MED4: variants seen among roughly 807,000 people sequenced by gnomAD.
The protein encoded by MED4 is mediator complex subunit 4, also known as mediator of RNA polymerase II transcription subunit 4.
Under a neutral mutation model 35.0 loss-of-function variants are expected in MED4, and 21 were observed. The ratio of observed to expected loss-of-function variants is 0.60; its 90% CI spans 0.43 to 0.86. The LOEUF (loss-of-function observed/expected upper bound fraction) is 0.86, where lower values mean the gene tolerates loss of function less well. MED4 is among the 40% of genes least tolerant of loss of function. The probability of loss-of-function intolerance (pLI) is 0.00; values close to 1 mark genes in which losing one functional copy is unlikely to be tolerated. For missense variants in MED4, 300 were observed against 319.4 expected, an observed-to-expected ratio of 0.94 and a Z score of 0.46; for synonymous variants, 138 against 114.0, an observed-to-expected ratio of 1.21 and a Z score of -1.34.
chr13:48,083,337 T>G, intron 4 of MED4, 34 bp downstream of exon 4: 1 of 1,561,126 alleles, frequency 6.4e-7, no homozygotes, highest in Non-Finnish European at 8.8e-7. Flanking sequence ...GAACCTTAAC[T>G]TTTCAGGTCA....
intron 3 of MED4, among the ~76,000 whole-genome samples, chr13:48,083,696 C>T (rs1211093076): frequency 3.3e-5 from 5 of 152,160 alleles, no homozygotes; most frequent in East Asian, 1.9e-4. Flanking sequence ...TTTTTCTTCA[C>T]GTCTTCTACC....
chr13:48,093,300 CTT>C (rs952327238), intron 1 of MED4, among the ~76,000 whole-genome samples: 2 of 152,018 alleles, frequency 1.3e-5, no homozygotes, highest in Non-Finnish European at 2.9e-5. Flanking sequence ...TGTGTTTCAA[CTT>C]TTTAAGACTA....
Position 48,076,943 on chromosome 13 carries a change from T to G in MED4, c.*196A>C, listed in dbSNP as rs2077366975. On this transcript the variant is annotated 3_prime_UTR_variant, in exon 7 of 7. Transcript: ENST00000258648. ...ACTATTCCCCTAAATATCTACCTAG[T>G]GGCTTAAAACTAAAACTATGGTCTT... 1 of 476,584 alleles carries G rather than the reference T, an allele frequency of 2.1e-6. No homozygotes were observed. The highest frequency in any genetic ancestry group is 3.9e-5 in the Admixed American group (1 of 25,474). 29.5% of individuals were successfully genotyped at this position (476,584 alleles called of 1,614,324 possible).
chr13:48,079,946 A>C lies in MED4; in HGVS notation c.538T>G (p.Leu180Val). Reference sequence around the variant, plus strand: ...CCCAGTAACCCACTTCTCATCTCTAAATCAGTTGGGTAGGGTCTCCGGGGG... The same window carrying C: ...CCCAGTAACCCACTTCTCATCTCTACATCAGTTGGGTAGGGTCTCCGGGGG... ...GDPRRPYPTD[L>V]EMRSGLLGQM... The change falls in exon 6 of 7, where the codon TTA becomes GTA. Residue 180 changes from leucine to valine, a missense_variant. Leu to Val is a conservative substitution (Grantham distance 32, BLOSUM62 1). Transcript: ENST00000258648. 6.2e-7 allele frequency: 1 copy of C among 1,613,822 alleles called. No individual in the cohort carries two copies. Among genetic ancestry groups the C allele is most frequent in the Non-Finnish European group, 8.5e-7 (1 of 1,179,792 alleles).
rs2137832584 is a variant in MED4 at position 48,083,419 on chromosome 13, C to A, written c.373G>T (p.Val125Phe). Residue 125 changes from valine (V) to phenylalanine (F), a missense_variant, in exon 4 of 7, where the codon GTT (valine) becomes TTT (phenylalanine). Coordinates refer to ENST00000258648, the MANE Select transcript of MED4 (RefSeq NM_014166.4). ...KEAEQILATA[V>F]YQAKEKLKSI... ...TTGAGTTTCTCCTTCGCTTGGTAAA[C>A]AGCTGTTGCCTAATTTAAACAACAT... 1.2e-6 allele frequency: 2 copies of A among 1,612,792 alleles called. No individual in the cohort carries two copies. Among genetic ancestry groups the A allele is most frequent in the Middle Eastern group, 3.3e-4 (2 of 6,054 alleles).
At chr13:48,086,225 A>G in intron 3 of MED4, 57 bp downstream of exon 3, 2 of 1,514,606 alleles carry the variant, frequency 1.3e-6, no homozygotes, top group South Asian at 2.4e-5. Context: ...CAGATTTTTC[A>G]GAAACAGATT....
At chr13:48,081,839 T>A (rs1950810661) in intron 4 of MED4, 108 bp from the exon 5 acceptor site, 1 of 580,668 alleles carries the variant, frequency 1.7e-6, no homozygotes, top group Non-Finnish European at 2.7e-6. Context: ...TATCTGAAAA[T>A]AAAATAATCT....
chr13:48,077,084 T>G lies in MED4; in HGVS notation c.*55A>C. The G allele has an allele frequency of 1.4e-6, 2 of 1,446,554 alleles. No homozygotes were observed. Among genetic ancestry groups the G allele is most frequent in the Non-Finnish European group, 1.9e-6 (2 of 1,076,256 alleles). 89.6% of individuals were successfully genotyped at this position (1,446,554 alleles called of 1,614,324 possible). A position where few individuals can be genotyped will look rare whatever the true frequency, so the allele number is the denominator to read the frequency against. On this transcript the variant is annotated 3_prime_UTR_variant, in exon 7 of 7. Coordinates refer to ENST00000258648, the MANE Select transcript of MED4 (RefSeq NM_014166.4). ...TGTAGTTTACATTTCCCTGCTACTGTTAAAGAAACAGAATTCTACAGTATT... is the reference window on the plus strand; with the variant it reads ...TGTAGTTTACATTTCCCTGCTACTGGTAAAGAAACAGAATTCTACAGTATT...
intron 5 of MED4, among the ~76,000 whole-genome samples, chr13:48,080,936 T>C (rs899218409): frequency 1.3e-5 from 2 of 152,224 alleles, no homozygotes; most frequent in South Asian, 2.1e-4. Context: ...CAGTATGTGG[T>C]TGACAAAAAC....
chr13:48,077,950 G>A (rs1473860833), intron 6 of MED4, among the ~76,000 whole-genome samples: 1 of 151,992 alleles, frequency 6.6e-6, no homozygotes, highest in South Asian at 2.1e-4. Context: ...ACTAGGTTAT[G>A]TAGATTATTC....
intron 1 of MED4, among the ~76,000 whole-genome samples, chr13:48,090,627 A>G (rs191152983): frequency 9.8e-5 from 15 of 152,374 alleles, no homozygotes; most frequent in Admixed American, 9.1e-4. Context: ...TATTGTGAAT[A>G]GAGAGAGTTC....
At chr13:48,081,757 T>C in intron 4 of MED4, 26 bp from the exon 5 acceptor site, 2 of 1,440,530 alleles carry the variant, frequency 1.4e-6, no homozygotes, top group Non-Finnish European at 1.9e-6. Flanking sequence ...GAGGACAGTA[T>C]AACCTGTAGT....
chr13:48,089,068 T>A (rs1331645275), intron 2 of MED4, among the ~76,000 whole-genome samples: 1 of 152,262 alleles, frequency 6.6e-6, no homozygotes, highest in Non-Finnish European at 1.5e-5. Context: ...AGTCAAGCCT[T>A]GCATTTTACT....
chr13:48,081,170 T>A (rs945212162), intron 5 of MED4, among the ~76,000 whole-genome samples: 2 of 152,352 alleles, frequency 1.3e-5, no homozygotes, highest in Admixed American at 1.3e-4. Context: ...TGCAGCTTGA[T>A]CCTCTCTTTT....
chr13:48,087,583 G>A (rs1950860303), intron 2 of MED4, among the ~76,000 whole-genome samples: 1 of 152,094 alleles, frequency 6.6e-6, no homozygotes, highest in South Asian at 2.1e-4. Context: ...CAGGCGCAGT[G>A]GCTCATGCCT....
chr13:48,078,802 T>C (rs1446842764), intron 6 of MED4, among the ~76,000 whole-genome samples: 1 of 152,142 alleles, frequency 6.6e-6, no homozygotes, highest in Non-Finnish European at 1.5e-5. Flanking sequence ...CACAGTTGAG[T>C]TCCCCTGGTT....
intron 3 of MED4, among the ~76,000 whole-genome samples, chr13:48,084,797 A>T (rs984261814): frequency 1.6e-4 from 25 of 151,822 alleles, no homozygotes; most frequent in African/African-American, 6.0e-4. Context: ...TTTGATAAGC[A>T]AGTATTACAT....
intron 3 of MED4, among the ~76,000 whole-genome samples, chr13:48,083,692 T>G (rs1463903726): frequency 6.6e-6 from 1 of 152,204 alleles, no homozygotes; most frequent in Admixed American, 6.5e-5. Context: ...TGTCTTTTTC[T>G]TCACGTCTTC....
chr13:48,086,214 A>G (rs1317580224), intron 3 of MED4, 68 bp downstream of exon 3: 10 of 1,453,812 alleles, frequency 6.9e-6, no homozygotes, highest in South Asian at 2.5e-5. Context: ...AATATTGATA[A>G]CAGATTTTTC....
Sources: gnomAD v4.1 joint callset for allele counts (sites outside exome capture counted in the v4.1 genomes callset) on GRCh38, gnomAD v4.1.1 for gene constraint, MANE v1.5 for transcripts, NCBI Gene and HGNC (gene_info 2026-07-23, HGNC 2026-07-21) for gene names.